SRPK2: variants seen among roughly 807,000 people sequenced by gnomAD.
The protein encoded by SRPK2 is SFRS protein kinase 2.
In SRPK2, 21 loss-of-function variants were observed where a neutral mutation model predicts 90.8. The observed-to-expected ratio is 0.23, with a 90% CI of 0.16 to 0.33. The LOEUF (loss-of-function observed/expected upper bound fraction) is 0.33, where lower values mean the gene tolerates loss of function less well. Ranked by LOEUF, SRPK2 falls within the 10% of genes least tolerant of loss-of-function variation. The pLI is 1.00. For missense variants in SRPK2, 620 were observed against 869.0 expected (o/e 0.71, Z 3.60); for synonymous variants, 288 against 311.1 (o/e 0.93, Z 0.78).
chr7:105,161,190 G>C (rs975982000), intron 6 of SRPK2, among the ~76,000 whole-genome samples: 7 of 152,154 alleles, frequency 4.6e-5, no homozygotes, highest in Non-Finnish European at 1.0e-4. Flanking sequence ...CTCCCAAAGT[G>C]CTGGGATTAC....
intron 2 of SRPK2, among the ~76,000 whole-genome samples, chr7:105,340,759 A>T (rs1028147524): frequency 2.0e-5 from 3 of 152,132 alleles, no homozygotes; most frequent in Non-Finnish European, 4.4e-5. Context: ...AGATTTTCTT[A>T]AAAAATGAAG....
chr7:105,281,500 G>A (rs1002669158), intron 2 of SRPK2, among the ~76,000 whole-genome samples: 20 of 152,010 alleles, frequency 1.3e-4, no homozygotes, highest in Admixed American at 2.6e-4. Context: ...AGACTCCAGC[G>A]CTACCCACCA....
At chr7:105,121,344 C>CA (rs1800336817) in intron 15 of SRPK2, among the ~76,000 whole-genome samples, 1 of 114,900 alleles carries the variant, frequency 8.7e-6, no homozygotes, top group Non-Finnish European at 1.8e-5. Flanking sequence ...GACTCTGTCT[C>CA]AAAAAAAGGA....
chr7:105,127,079 G>A lies in SRPK2; in HGVS notation c.1753-17C>T, dbSNP rs149705704. ...CTCAAATGCCTAGGATACAACAGAC[G>A]ACATGCTAAGCACTTCAGAGACTGG... On this transcript the variant is annotated splice_polypyrimidine_tract_variant and intron_variant, in intron 13 of 15. Transcript: ENST00000393651. 41 of 1,613,670 alleles carry A rather than the reference G, an allele frequency of 2.5e-5. No homozygotes were observed. Among genetic ancestry groups the A allele is most frequent in the Admixed American group, 1.0e-4 (6 of 59,988 alleles).
In SRPK2 at chr7:105,370,007, A is replaced by C. The variant is rs1437962039; in HGVS notation, c.71+18641T>G. Among the ~76,000 whole-genome samples, 6 of 146,456 alleles carry C rather than the reference A, an allele frequency of 4.1e-5. No homozygotes were observed. In the East Asian group the frequency reaches 1.0e-3, roughly 25 times the overall value. The stretch of plus-strand genomic sequence containing the variant: ...ACGTCATTGCACTCCAGCCTGGGCA[A>C]CAAGAGCAAGACTCCATCTCAAACA... On this transcript the variant is annotated intron_variant, in intron 2 of 15. Transcript: ENST00000393651.
intron 2 of SRPK2, among the ~76,000 whole-genome samples, chr7:105,212,872 C>T (rs949074289): frequency 6.6e-6 from 1 of 152,098 alleles, no homozygotes; most frequent in African/African-American, 2.4e-5. Context: ...GGGGTGATGG[C>T]TACATGTGTA....
chr7:105,268,854 AT>A (rs770500848), intron 2 of SRPK2: 2 of 1,589,970 alleles, frequency 1.3e-6, no homozygotes, highest in Non-Finnish European at 8.6e-7. Context: ...CAGCAGCTCA[AT>A]CTTCTGCTTG....
At chr7:105,229,622 AG>A (rs1203135071) in intron 2 of SRPK2, among the ~76,000 whole-genome samples, 2 of 152,216 alleles carry the variant, frequency 1.3e-5, no homozygotes, top group Admixed American at 1.3e-4. Context: ...GGGGGAGCGC[AG>A]GAATAAAATT....
intron 3 of SRPK2, among the ~76,000 whole-genome samples, chr7:105,170,855 GAAAGAAAGAAAGA>G (rs1391472473): frequency 2.7e-5 from 1 of 36,372 alleles, no homozygotes; most frequent in African/African-American, 7.7e-5. Flanking sequence ...AAGAAAGAAA[GAAAGAAAGAAAGA>G]AAGAAAGAAA....
At chr7:105,365,413 G>A (rs1304669441) in intron 2 of SRPK2, among the ~76,000 whole-genome samples, 1 of 149,394 alleles carries the variant, frequency 6.7e-6, no homozygotes, top group East Asian at 2.0e-4. Context: ...TTGAACCCAG[G>A]AGGCGGAGAT....
At chr7:105,398,605 C>G (rs1822391899) in intron 1 of SRPK2, among the ~76,000 whole-genome samples, 1 of 152,122 alleles carries the variant, frequency 6.6e-6, no homozygotes, top group Non-Finnish European at 1.5e-5. Flanking sequence ...GTTGGCCAGG[C>G]TGGCCCAAGC....
chr7:105,389,265 C>G (rs1364546559), upstream of SRPK2: 1 of 1,269,458 alleles, frequency 7.9e-7, no homozygotes. Flanking sequence ...GCGCCGCCCG[C>G]TGCTCCATGC....
intron 2 of SRPK2, among the ~76,000 whole-genome samples, chr7:105,263,911 T>A (rs1376333540): frequency 6.6e-6 from 1 of 152,174 alleles, no homozygotes; most frequent in East Asian, 1.9e-4. Flanking sequence ...AACCACTATG[T>A]CATCTCATTA....
chr7:105,362,378 C>T (rs531014640), intron 2 of SRPK2, among the ~76,000 whole-genome samples: 6 of 152,102 alleles, frequency 3.9e-5, no homozygotes, highest in East Asian at 1.9e-4. Flanking sequence ...GAGGCCAAGG[C>T]GGGTGGATCA....
At chr7:105,223,437 A>T (rs1390738729) in intron 2 of SRPK2, among the ~76,000 whole-genome samples, 1 of 152,196 alleles carries the variant, frequency 6.6e-6, no homozygotes, top group Non-Finnish European at 1.5e-5. Flanking sequence ...AGTGTCAAAA[A>T]ATTAAATGTC....
At chr7:105,381,383 T>G (rs1034139960) in intron 2 of SRPK2, among the ~76,000 whole-genome samples, 1 of 152,082 alleles carries the variant, frequency 6.6e-6, no homozygotes, top group Non-Finnish European at 1.5e-5. Flanking sequence ...GAGACCAGCC[T>G]GGCCAATATG....
Position 105,142,427 on chromosome 7 carries a change from T to C in SRPK2, c.1124A>G (p.Asp375Gly), listed in dbSNP as rs1487951931. 1.2e-6 allele frequency: 2 copies of C among 1,613,562 alleles called. No homozygotes were observed. Among genetic ancestry groups the C allele is most frequent in the Admixed American group, 1.7e-5 (1 of 59,938 alleles). The change falls in exon 11 of 16, where the codon GAT becomes GGT. Residue 375 changes from aspartate (D) to glycine (G), a missense_variant. Transcript: ENST00000393651. ...GTTCGCAAGTTCCTGATCTACATCA[T>C]CTTCATCTTTTTCAATGTTTTCTTT... ...AEKENIEKDE[D>G]DVDQELANID...
At chr7:105,140,432 C>T (rs1472894133) in intron 11 of SRPK2, among the ~76,000 whole-genome samples, 1 of 151,928 alleles carries the variant, frequency 6.6e-6, no homozygotes, top group Non-Finnish European at 1.5e-5. Flanking sequence ...GAAGCTCTGT[C>T]TATACTAAAA....
chr7:105,387,382 A>G (rs1226913121), intron 2 of SRPK2, among the ~76,000 whole-genome samples: 2 of 152,222 alleles, frequency 1.3e-5, no homozygotes, highest in African/African-American at 4.8e-5. Flanking sequence ...TAATTTTTTT[A>G]AAAGCAACCA....
Sources: gnomAD v4.1 joint callset for allele counts (sites outside exome capture counted in the v4.1 genomes callset) on GRCh38, gnomAD v4.1.1 for gene constraint, MANE v1.5 for transcripts, NCBI Gene and HGNC (gene_info 2026-07-23, HGNC 2026-07-21) for gene names.